Variants in DNAH8 observed in about 807,000 individuals in gnomAD.
DNAH8 encodes the protein axonemal beta dynein heavy chain 8.
A neutral mutation model predicts 562.1 loss-of-function variants in DNAH8; 382 were observed. The observed-to-expected ratio is 0.68, with a 90% CI of 0.63 to 0.74. The LOEUF is 0.74. Among genes scored for constraint, DNAH8 ranks in the 30% least tolerant of loss-of-function variants. The probability of loss-of-function intolerance (pLI) is 0.00; values close to 1 mark genes in which losing one functional copy is unlikely to be tolerated. For missense variants in DNAH8, 5,203 were observed against 5,620.4 expected, an observed-to-expected ratio of 0.93 and a Z score of 2.37; for synonymous variants, 1,881 against 1,919.4, an observed-to-expected ratio of 0.98 and a Z score of 0.52.
chr6:38,838,092 C>A, intron 33 of DNAH8, 50 bp downstream of exon 33: 2 of 1,167,382 alleles, frequency 1.7e-6, no homozygotes, highest in Non-Finnish European at 2.5e-6. Flanking sequence ...TAAATACTAT[C>A]TATTAGAAGA....
At chr6:39,025,783 A>G (rs994211281) in intron 91 of DNAH8, among the ~76,000 whole-genome samples, 2 of 152,216 alleles carry the variant, frequency 1.3e-5, no homozygotes, top group African/African-American at 2.4e-5. Context: ...TAATATTTAC[A>G]TGGAGGCCAA....
intron 88 of DNAH8, among the ~76,000 whole-genome samples, chr6:38,999,917 A>G (rs553886258): frequency 2.8e-5 from 2 of 72,404 alleles, no homozygotes; most frequent in South Asian, 8.8e-4. Flanking sequence ...TAAGGCATTT[A>G]TACACACACA....
rs556240719 is a variant in DNAH8 at position 38,976,491 on chromosome 6, G to A, written c.12834+1962G>A. Among the ~76,000 whole-genome samples the A allele has an allele frequency of 5.8e-4, 88 of 152,280 alleles. No homozygotes were observed. The South Asian group carries it at 0.011, about 19-fold the overall frequency. The stretch of plus-strand genomic sequence containing the variant: ...GTAAATATTTTTTTTACTTGGTTAG[G>A]ATAGGGACAGCTTGATAGAAAAATC... On this transcript the variant is annotated intron_variant, in intron 85 of 92. Transcript: ENST00000327475.
chr6:38,929,563 C>T lies in DNAH8; in HGVS notation c.11171C>T (p.Ser3724Phe). 1 of 1,612,948 alleles carries T rather than the reference C, an allele frequency of 6.2e-7. No homozygotes were observed. Among genetic ancestry groups the T allele is most frequent in the South Asian group, 1.1e-5 (1 of 90,978 alleles). The change falls in exon 75 of 93, where the codon TCC becomes TTC. Residue 3724 changes from serine to phenylalanine, a missense_variant. Transcript: ENST00000327475. ...CGCACACACTTGGAGGACAGCCTTT[C>T]CTTGGGCCGACCCCTTCTCATTGAG... ...YFRTHLEDSL[S>F]LGRPLLIEDI...
At chr6:38,828,064 C>A in intron 29 of DNAH8, 120 bp from the exon 30 acceptor site, 1 of 682,038 alleles carries the variant, frequency 1.5e-6, no homozygotes, top group Non-Finnish European at 2.5e-6. Flanking sequence ...TTTTGGAAAC[C>A]ACTTTTCTAG....
At chr6:38,954,131 T>C (rs192495087) in intron 82 of DNAH8, among the ~76,000 whole-genome samples, 11 of 152,244 alleles carry the variant, frequency 7.2e-5, no homozygotes, top group Non-Finnish European at 1.2e-4. Context: ...AGTGAGAAAT[T>C]TGGAGCAGAT....
Position 38,907,974 on chromosome 6 carries a change from C to G in DNAH8, c.9367C>G (p.Arg3123Gly). 6.2e-7 allele frequency: 1 copy of G among 1,602,100 alleles called. No homozygotes were observed. The highest frequency in any genetic ancestry group is 8.5e-7 in the Non-Finnish European group (1 of 1,175,650). ...CTTAAAGATCTCCAACTTGTTTGCA[C>G]GAGATGAGATGGATGAAATCACCCA... Reference protein sequence around the residue: ...SSGEISNLFARDEMDEITQGL... With the variant: ...SSGEISNLFAGDEMDEITQGL... The change falls in exon 64 of 93, where the codon CGA becomes GGA. Residue 3123 changes from arginine (R) to glycine (G), a missense_variant. Transcript: ENST00000327475.
rs1773916497 is a variant in DNAH8 at position 38,832,391 on chromosome 6, G to A, written c.4258G>A (p.Val1420Ile). ...AAGCAATCTACTTGAGTCTGTGGAA[G>A]TTTTTCGTGAGGACGTGATAAACTT... The part of the protein sequence containing the change: ...FKSNLLESVE[V>I]FREDVINFAE... Residue 1420 changes from valine to isoleucine, a missense_variant, in exon 31 of 93, where the codon GTT becomes ATT. Physicochemically the swap from Val to Ile is conservative, Grantham distance 29. Transcript: ENST00000327475. 1 of 1,613,744 alleles carries A rather than the reference G, an allele frequency of 6.2e-7. No individual in the cohort carries two copies. The highest frequency in any genetic ancestry group is 8.5e-7 in the Non-Finnish European group (1 of 1,179,710).
chr6:38,958,646 C>CAAAA (rs35382684), intron 82 of DNAH8, among the ~76,000 whole-genome samples: 607 of 56,670 alleles, frequency 0.011, no homozygotes, highest in Non-Finnish European at 0.013. Flanking sequence ...AGTCTCCCAT[C>CAAAA]AAAAAAAAAA....
Position 38,857,750 on chromosome 6 carries a change from ATCTTTTTTTTTAAT to A in DNAH8, c.5958+10_5958+23del. 6.4e-7 allele frequency: 1 copy of A among 1,565,650 alleles called. No individual in the cohort carries two copies. Among genetic ancestry groups the A allele is most frequent in the East Asian group, 2.2e-5 (1 of 44,576 alleles). ...GATATTTTTGATGACTTGGTAAGGT[ATCTTTTTTTTTAAT>A]TTAGTGTACTAACTAATAATGAACA... On this transcript the variant is annotated intron_variant, in intron 42 of 92. Transcript: ENST00000327475.
intron 24 of DNAH8, among the ~76,000 whole-genome samples, chr6:38,810,894 G>A (rs1583066128): frequency 6.6e-6 from 1 of 152,116 alleles, no homozygotes; most frequent in Non-Finnish European, 1.5e-5. Flanking sequence ...AAAATGTTTT[G>A]CCCTCATACT....
intron 60 of DNAH8, 141 bp from the exon 61 acceptor site, chr6:38,898,117 C>A: frequency 4.1e-6 from 3 of 737,074 alleles, no homozygotes; most frequent in Non-Finnish European, 6.2e-6. Flanking sequence ...TAGACTAATA[C>A]GTGAGAAACC....
At chr6:38,961,256 A>T (rs80048759) in intron 82 of DNAH8, among the ~76,000 whole-genome samples, 2,383 of 152,014 alleles carry the variant, frequency 0.016, 69 homozygotes, top group African/African-American at 0.054. Flanking sequence ...TTTATTTTTT[A>T]AAAAAATATA....
intron 82 of DNAH8, among the ~76,000 whole-genome samples, chr6:38,956,349 C>T (rs1762243432): frequency 1.3e-5 from 2 of 152,174 alleles, no homozygotes; most frequent in African/African-American, 4.8e-5. Context: ...ATGAGATGAG[C>T]TCTTCAGCCA....
At chr6:38,903,281 T>C (rs1780198733) in intron 62 of DNAH8, among the ~76,000 whole-genome samples, 1 of 152,144 alleles carries the variant, frequency 6.6e-6, no homozygotes, top group Non-Finnish European at 1.5e-5. Flanking sequence ...CTGCTTCTGG[T>C]GAGGGTCTCA....
At chr6:38,944,966 C>A (rs949802967) in intron 79 of DNAH8, among the ~76,000 whole-genome samples, 5 of 149,826 alleles carry the variant, frequency 3.3e-5, no homozygotes, top group African/African-American at 7.3e-5. Flanking sequence ...CTAACCCCAA[C>A]CTTAACCCTA....
At chr6:38,899,502 G>A (rs994500030) in intron 61 of DNAH8, among the ~76,000 whole-genome samples, 2 of 152,200 alleles carry the variant, frequency 1.3e-5, no homozygotes, top group African/African-American at 4.8e-5. Flanking sequence ...GCGTGCACAC[G>A]CATGAACACA....
At chr6:38,716,046 C>T (rs1287483770) in intron 1 of DNAH8, among the ~76,000 whole-genome samples, 2 of 143,310 alleles carry the variant, frequency 1.4e-5, no homozygotes, top group African/African-American at 5.4e-5. Flanking sequence ...GCAATTTCTG[C>T]CTCCCTGGTT....
At position 38,870,440 on chromosome 6, in the gene DNAH8, G is replaced by A. The variant is rs374774952; in HGVS notation, c.6868G>A (p.Asp2290Asn). 59 of 1,613,848 alleles carry A rather than the reference G, an allele frequency of 3.7e-5. No individual in the cohort carries two copies. The highest frequency in any genetic ancestry group is 3.1e-4 in the South Asian group (28 of 91,042). The part of the protein sequence containing the change: ...DEPLFLSLIN[D>N]LFPGLQLDSN... ...ACCCCTGTTCCTCAGCTTAATCAAT[G>A]ACCTGTTCCCAGGACTGCAACTGGA... The change falls in exon 49 of 93, where the codon GAC (aspartate) becomes AAC (asparagine). Residue 2290 changes from aspartate to asparagine, a missense_variant. Asp to Asn is a conservative substitution (Grantham distance 23). Transcript: ENST00000327475.
Sources: allele counts gnomAD v4.1 joint callset (sites outside exome capture counted in the v4.1 genomes callset), GRCh38; gene constraint gnomAD v4.1.1; transcripts MANE v1.5; gene names NCBI Gene and HGNC (gene_info 2026-07-23, HGNC 2026-07-21).